The following IRAK3 variants were observed in gnomAD, a reference collection of about 807,000 sequenced individuals.
IRAK3 encodes interleukin 1 receptor associated kinase 3.
In IRAK3, 57 loss-of-function variants were observed where a neutral mutation model predicts 56.6. The ratio of observed to expected loss-of-function variants is 1.01; its 90% CI spans 0.81 to 1.26. The LOEUF (loss-of-function observed/expected upper bound fraction) is 1.26, where lower values mean the gene tolerates loss of function less well. Ranked by LOEUF, IRAK3 falls within the 50% of genes most tolerant of loss-of-function variation. IRAK3 has a pLI of 0.00. For missense variants in IRAK3, 703 were observed against 719.0 expected, an observed-to-expected ratio of 0.98 and a Z score of 0.25; for synonymous variants, 258 against 255.7, an observed-to-expected ratio of 1.01 and a Z score of -0.09.
chr12:66,247,954 G>A lies in IRAK3; in HGVS notation c.1574G>A (p.Ser525Asn), dbSNP rs200746636. ...CTGAGCTTGGACAAAAAGCCAGAGA[G>A]CAAGAGAAATGAGGAAGCTTGCAAC... ...MFLSLDKKPE[S>N]KRNEEACNMP... is the part of the protein sequence containing the mutation. The change falls in exon 12 of 12, where the codon AGC becomes AAC. Residue 525 changes from serine to asparagine, a missense_variant. Coordinates refer to ENST00000261233, the MANE Select transcript of IRAK3 (RefSeq NM_007199.3). 8.7e-6 allele frequency: 14 copies of A among 1,613,094 alleles called. No homozygotes were observed. Among genetic ancestry groups the A allele is most frequent in the Middle Eastern group, 3.3e-4 (2 of 6,052 alleles).
At chr12:66,205,760 G>T (rs2052552654) in intron 2 of IRAK3, among the ~76,000 whole-genome samples, 1 of 152,026 alleles carries the variant, frequency 6.6e-6, no homozygotes, top group Non-Finnish European at 1.5e-5. Flanking sequence ...AAGAATTTGG[G>T]GCTTTTATAT....
chr12:66,206,240 G>A (rs1018795649), intron 2 of IRAK3, among the ~76,000 whole-genome samples: 4 of 151,712 alleles, frequency 2.6e-5, no homozygotes, highest in Admixed American at 6.6e-5. Flanking sequence ...TTTTCTTCTT[G>A]CCTAGTTGCC....
chr12:66,217,048 A>G, intron 5 of IRAK3, 123 bp from the exon 6 acceptor site: 1 of 748,470 alleles, frequency 1.3e-6, no homozygotes. Context: ...TCTCCCCAGA[A>G]AAGTGTTCAT....
At chr12:66,215,139 G>A (rs1027799382) in intron 5 of IRAK3, among the ~76,000 whole-genome samples, 1 of 152,152 alleles carries the variant, frequency 6.6e-6, no homozygotes, top group Non-Finnish European at 1.5e-5. Context: ...ATAGAATGTG[G>A]TTGCTCTAGA....
chr12:66,194,797 C>T (rs2052434761), intron 1 of IRAK3, among the ~76,000 whole-genome samples: 1 of 149,448 alleles, frequency 6.7e-6, no homozygotes, highest in South Asian at 2.1e-4. Flanking sequence ...CTACCGTACT[C>T]CAGACTGGGC....
intron 2 of IRAK3, among the ~76,000 whole-genome samples, chr12:66,208,156 C>T (rs914097254): frequency 1.3e-5 from 2 of 152,092 alleles, no homozygotes; most frequent in Non-Finnish European, 2.9e-5. Context: ...GAAAGCTAGA[C>T]TAGAAAATGA....
chr12:66,244,915 A>G (rs777324686), intron 9 of IRAK3, 33 bp from the exon 10 acceptor site: 8 of 1,491,050 alleles, frequency 5.4e-6, no homozygotes, highest in Non-Finnish European at 7.5e-6. Context: ...TATTTTTAAG[A>G]TATATAGCTG....
intron 1 of IRAK3, chr12:66,197,474 A>T: frequency 2.0e-6 from 2 of 984,884 alleles, no homozygotes; most frequent in Non-Finnish European, 2.4e-6. Flanking sequence ...TATGGATGCT[A>T]AAAATACTCT....
intron 6 of IRAK3, among the ~76,000 whole-genome samples, chr12:66,223,008 AG>A (rs910630291): frequency 6.1e-5 from 9 of 146,480 alleles, no homozygotes; most frequent in Non-Finnish European, 1.3e-4. Context: ...TTACAGTCAA[AG>A]GGGGGTTGTT....
At chr12:66,210,857 C>G (rs1254629733) in intron 4 of IRAK3, among the ~76,000 whole-genome samples, 2 of 152,120 alleles carry the variant, frequency 1.3e-5, no homozygotes, top group Non-Finnish European at 2.9e-5. Context: ...GGAAATATAG[C>G]CAAAGTTGGG....
chr12:66,223,545 G>C (rs564794765), intron 6 of IRAK3, among the ~76,000 whole-genome samples: 1 of 150,870 alleles, frequency 6.6e-6, no homozygotes, highest in African/African-American at 2.4e-5. Context: ...TGTAGTCCCA[G>C]CTACTCGGGA....
intron 2 of IRAK3, among the ~76,000 whole-genome samples, chr12:66,207,534 T>C (rs2052569439): frequency 6.6e-6 from 1 of 152,066 alleles, no homozygotes. Flanking sequence ...TTATTTCTAA[T>C]CTTAATTATT....
chr12:66,218,078 G>C (rs1370195836), intron 6 of IRAK3, among the ~76,000 whole-genome samples: 1 of 152,110 alleles, frequency 6.6e-6, no homozygotes, highest in Non-Finnish European at 1.5e-5. Flanking sequence ...CAAAAGCATA[G>C]ACCAGGAAAA....
intron 6 of IRAK3, 75 bp from the exon 7 acceptor site, chr12:66,226,647 AC>A (rs537764522): frequency 8.3e-4 from 696 of 833,830 alleles, no homozygotes; most frequent in Non-Finnish European, 1.3e-3. Context: ...CCACCTTACT[AC>A]CCCCACACCA....
chr12:66,193,037 C>T (rs923691306), intron 1 of IRAK3, among the ~76,000 whole-genome samples: 6 of 151,278 alleles, frequency 4.0e-5, no homozygotes, highest in African/African-American at 1.2e-4. Context: ...GATGGAGTTT[C>T]GCTCTTGTTG....
At chr12:66,227,032 G>A (rs952952637) in intron 7 of IRAK3, among the ~76,000 whole-genome samples, 195 bp downstream of exon 7, 3 of 152,116 alleles carry the variant, frequency 2.0e-5, no homozygotes, top group East Asian at 3.9e-4. Context: ...CTGAGTTAAC[G>A]TGTTCTGTGC....
At chr12:66,215,716 G>GT (rs1290079416) in intron 5 of IRAK3, among the ~76,000 whole-genome samples, 4 of 151,538 alleles carry the variant, frequency 2.6e-5, no homozygotes, top group Non-Finnish European at 4.4e-5. Flanking sequence ...TTCTCTTAAG[G>GT]TGGTAAATGA....
rs1330911014 is a variant in IRAK3 at position 66,226,775 on chromosome 12, A to T, written c.706A>T (p.Lys236Ter). Residue 236 changes from lysine (K) to a stop codon, truncating the protein, a stop_gained, in exon 7 of 12, where the codon AAG becomes TAG. Coordinates refer to ENST00000261233, the MANE Select transcript of IRAK3 (RefSeq NM_007199.3). LOFTEE classifies it high-confidence loss of function. ...ELAAYFTETEKFCLIYPYMRN... is the reference protein window; with the variant it reads ...ELAAYFTETE ...GGCTGCATATTTTACAGAGACTGAG[A>T]AGTTCTGTCTGATTTATCCATACAT... is the stretch of plus-strand genomic sequence containing the variant. 1 of 1,611,644 alleles carries T rather than the reference A, an allele frequency of 6.2e-7. No individual in the cohort carries two copies. The highest frequency in any genetic ancestry group is 8.5e-7 in the Non-Finnish European group (1 of 1,177,826).
chr12:66,223,302 A>G (rs1351522267), intron 6 of IRAK3, among the ~76,000 whole-genome samples: 1 of 152,146 alleles, frequency 6.6e-6, no homozygotes, highest in African/African-American at 2.4e-5. Flanking sequence ...CTGACAGTTA[A>G]GTTTATCAAT....
Sources: gnomAD v4.1 joint callset for allele counts (sites outside exome capture counted in the v4.1 genomes callset) on GRCh38, gnomAD v4.1.1 for gene constraint, MANE v1.5 for transcripts, NCBI Gene and HGNC (gene_info 2026-07-23, HGNC 2026-07-21) for gene names.